PPFIA2: variants seen among roughly 807,000 people sequenced by gnomAD.
PPFIA2 encodes liprin-alpha-2.
A neutral mutation model predicts 175.5 loss-of-function variants in PPFIA2; 46 were observed. That is an observed-to-expected ratio of 0.26 (90% confidence interval 0.21 to 0.34). The LOEUF is 0.34. PPFIA2 is among the 10% of genes least tolerant of loss of function. PPFIA2 has a pLI of 1.00. For missense variants in PPFIA2, 1,179 were observed against 1,506.1 expected, an observed-to-expected ratio of 0.78 and a Z score of 3.60; for synonymous variants, 568 against 511.4, an observed-to-expected ratio of 1.11 and a Z score of -1.49.
intron 8 of PPFIA2, among the ~76,000 whole-genome samples, chr12:81,396,758 T>C (rs915791907): frequency 3.3e-5 from 5 of 152,038 alleles, no homozygotes; most frequent in African/African-American, 1.2e-4. Context: ...AAAAATAGAC[T>C]GGAGATGGCC....
At chr12:81,340,758 G>GT (rs2057906318) in intron 20 of PPFIA2, among the ~76,000 whole-genome samples, 1 of 151,912 alleles carries the variant, frequency 6.6e-6, no homozygotes, top group African/African-American at 2.4e-5. Context: ...AGTCTCCTTA[G>GT]TTTTTTGTTA....
intron 9 of PPFIA2, among the ~76,000 whole-genome samples, chr12:81,381,945 G>A (rs1359863309): frequency 1.3e-5 from 2 of 151,910 alleles, no homozygotes; most frequent in Admixed American, 6.6e-5. Flanking sequence ...AGCTGCGCAG[G>A]TTCTCTGAAG....
chr12:81,556,958 AG>A (rs2068986278), intron 4 of PPFIA2, among the ~76,000 whole-genome samples: 1 of 152,004 alleles, frequency 6.6e-6, no homozygotes, highest in African/African-American at 2.4e-5. Flanking sequence ...TTTCAATAAA[AG>A]TCAAGCTGTT....
At chr12:81,663,389 C>T (rs989959245) in intron 4 of PPFIA2, among the ~76,000 whole-genome samples, 1 of 152,126 alleles carries the variant, frequency 6.6e-6, no homozygotes, top group African/African-American at 2.4e-5. Context: ...TTCTTATACA[C>T]CAATAACAGA....
chr12:81,277,437 A>AT (rs753119806), intron 27 of PPFIA2, 23 bp from the exon 28 acceptor site: 1 of 1,490,952 alleles, frequency 6.7e-7, no homozygotes, highest in South Asian at 1.3e-5. Flanking sequence ...TTAAAAAAAA[A>AT]AAAACACAGT....
chr12:81,396,788 C>A (rs1327604236), intron 8 of PPFIA2, among the ~76,000 whole-genome samples: 1 of 151,894 alleles, frequency 6.6e-6, no homozygotes, highest in East Asian at 1.9e-4. Flanking sequence ...AGCAGAGAGA[C>A]CTCATAAAAA....
Position 81,284,292 on chromosome 12 carries a change from G to A in PPFIA2, c.2937C>T (p.Asn979=). Residue 979 remains asparagine (N), a synonymous_variant, in exon 25 of 33, where the codon AAC becomes AAT. Coordinates refer to ENST00000549396, the MANE Select transcript of PPFIA2 (RefSeq NM_003625.5). ...CCATTTCTTCATGAGTCACCCAAAC[G>A]TTGCCTGAAGGCTAGTGAGGAGGCC... ...APPTSRTPSG[N]VWVTHEEMEN... The A allele has an allele frequency of 5.0e-6, 8 of 1,593,254 alleles. No homozygotes were observed. Among genetic ancestry groups the A allele is most frequent in the Non-Finnish European group, 6.0e-6 (7 of 1,164,586 alleles).
chr12:81,504,435 C>T (rs1026206041), intron 4 of PPFIA2, among the ~76,000 whole-genome samples: 1 of 151,972 alleles, frequency 6.6e-6, no homozygotes, highest in East Asian at 1.9e-4. Flanking sequence ...AAATCAAAAC[C>T]ACAATGAGAC....
chr12:81,365,988 T>TC, intron 14 of PPFIA2, among the ~76,000 whole-genome samples: 1 of 38,750 alleles, frequency 2.6e-5, no homozygotes, highest in East Asian at 1.3e-3. Context: ...CTCCCTCCCT[T>TC]CCTTCCTTCC....
intron 6 of PPFIA2, among the ~76,000 whole-genome samples, chr12:81,442,848 C>CATATATATATAT (rs35192542): frequency 1.4e-4 from 2 of 14,096 alleles, no homozygotes; most frequent in African/African-American, 4.8e-4. Flanking sequence ...TTTCTGACTT[C>CATATATATATAT]ATATATATAT....
At chr12:81,572,533 C>G (rs1174034665) in intron 4 of PPFIA2, among the ~76,000 whole-genome samples, 1 of 151,970 alleles carries the variant, frequency 6.6e-6, no homozygotes, top group Admixed American at 6.6e-5. Context: ...ACAGTGCCTA[C>G]CACATATCAC....
rs113001008 is a variant in PPFIA2 at position 81,616,356 on chromosome 12, C to G, written c.303+60435G>C. Among the ~76,000 whole-genome samples the G allele has an allele frequency of 4.4e-3, 667 of 152,182 alleles. 3 individuals carry two copies. Among genetic ancestry groups the G allele is most frequent in the African/African-American group, 0.015 (624 of 41,504 alleles). On this transcript the variant is annotated intron_variant, in intron 4 of 32. Transcript: ENST00000549396. ...TATGATTTTATGCTGATGGTCTCTTCTAATTCCAGGCCATGTGACCAGTTT... is the reference window on the plus strand; with the variant it reads ...TATGATTTTATGCTGATGGTCTCTTGTAATTCCAGGCCATGTGACCAGTTT...
intron 14 of PPFIA2, among the ~76,000 whole-genome samples, chr12:81,364,135 G>T (rs1232408049): frequency 1.3e-5 from 2 of 151,788 alleles, no homozygotes; most frequent in Non-Finnish European, 2.9e-5. Context: ...GAGACTCTTA[G>T]GAAAAGGCAT....
At chr12:81,353,666 A>C (rs909820761) in intron 16 of PPFIA2, among the ~76,000 whole-genome samples, 1 of 152,164 alleles carries the variant, frequency 6.6e-6, no homozygotes, top group Non-Finnish European at 1.5e-5. Context: ...CAAATATAAC[A>C]ATCTATTTAT....
At position 81,277,357 on chromosome 12, in the gene PPFIA2, T is replaced by G; in HGVS notation, c.3270A>C (p.Glu1090Asp). 1.3e-6 allele frequency: 2 copies of G among 1,575,406 alleles called. No homozygotes were observed. Among genetic ancestry groups the G allele is most frequent in the Non-Finnish European group, 1.7e-6 (2 of 1,159,698 alleles). Residue 1090 changes from glutamate to aspartate, a missense_variant, in exon 28 of 33, where the codon GAA (glutamate) becomes GAC (aspartate). Transcript: ENST00000549396. ...CLKRLNYDRK[E>D]LERRREASQH... ...GGCTTGCTTCCCGTCTTCTTTCTAGTTCTTTTCTGTCATAATTCAACCTCT... is the reference window on the plus strand; with the variant it reads ...GGCTTGCTTCCCGTCTTCTTTCTAGGTCTTTTCTGTCATAATTCAACCTCT...
intron 4 of PPFIA2, among the ~76,000 whole-genome samples, chr12:81,499,657 G>GTGGA (rs148481689): frequency 0.088 from 13,388 of 152,016 alleles, 803 homozygotes; most frequent in Middle Eastern, 0.14. Context: ...GATGAGAAGA[G>GTGGA]TGGACTTCAG....
At chr12:81,571,527 C>T (rs574395446) in intron 4 of PPFIA2, among the ~76,000 whole-genome samples, 1 of 152,104 alleles carries the variant, frequency 6.6e-6, no homozygotes, top group East Asian at 1.9e-4. Context: ...CAAGTTGTGC[C>T]ATCTTAAGCA....
In PPFIA2 at chr12:81,524,326, G is replaced by C. The variant is rs373671355; in HGVS notation, c.304-66460C>G. Among the ~76,000 whole-genome samples, 5 of 152,290 alleles carry C rather than the reference G, an allele frequency of 3.3e-5. No individual in the cohort carries two copies. In the East Asian group the frequency reaches 5.8e-4, roughly 18 times the overall value. ...ATGCCTGGAGCCCTGGAGCCCATTT[G>C]CCCAGTAAAGCTGAGAAGATGGAGC... is the stretch of plus-strand genomic sequence containing the variant. On this transcript the variant is annotated intron_variant, in intron 4 of 32. Transcript: ENST00000549396.
At chr12:81,304,741 G>A (rs2048729591) in intron 22 of PPFIA2, among the ~76,000 whole-genome samples, 1 of 152,084 alleles carries the variant, frequency 6.6e-6, no homozygotes, top group African/African-American at 2.4e-5. Flanking sequence ...GGAGTTGGTG[G>A]TGGAGGAAGA....
Sources: allele counts gnomAD v4.1 joint callset (sites outside exome capture counted in the v4.1 genomes callset), GRCh38; gene constraint gnomAD v4.1.1; transcripts MANE v1.5; gene names NCBI Gene and HGNC (gene_info 2026-07-23, HGNC 2026-07-21).